Variants in ZNF76 observed in about 807,000 individuals in gnomAD.
ZNF76 encodes the protein zinc finger protein 76.
A neutral mutation model predicts 66.9 loss-of-function variants in ZNF76; 66 were observed. The observed-to-expected ratio is 0.99, with a 90% CI of 0.81 to 1.21. ZNF76 has a LOEUF of 1.21. Ranked by LOEUF, ZNF76 falls within the 50% of genes most tolerant of loss-of-function variation. The pLI is 0.00. For synonymous variants in ZNF76, 275 were observed against 296.1 expected, an observed-to-expected ratio of 0.93 and a Z score of 0.73; for missense variants, 729 against 760.3, an observed-to-expected ratio of 0.96 and a Z score of 0.48.
chr6:35,287,064 A>G lies in ZNF76; in HGVS notation c.233-582A>G, dbSNP rs1789670510. 1.3e-5 allele frequency among the ~76,000 whole-genome samples: 2 copies of G among 152,164 alleles called. No individual in the cohort carries two copies. The highest frequency in any genetic ancestry group is 4.8e-5 in the African/African-American group (2 of 41,438). On this transcript the variant is annotated intron_variant, in intron 4 of 13. Transcript: ENST00000373953. This position sits in a 1 kb window ranked among gnomAD's most constrained non-coding sequence, Gnocchi z 4.0. ...GTTCAGTACTTCAGGCAGAAGGAATAGCATGTGCAGGCCTAGAGCTGGGGG... is the reference window on the plus strand; with the variant it reads ...GTTCAGTACTTCAGGCAGAAGGAATGGCATGTGCAGGCCTAGAGCTGGGGG...
Position 35,290,358 on chromosome 6 carries a change from C to G in ZNF76, c.525C>G (p.Leu175=), listed in dbSNP as rs749971671. Reference sequence around the variant, plus strand: ...GTGGCTACAAGGGCTGTGGGCGTCTCTACACCACCGCTCATCACTTAAAGG... The same window carrying G: ...GTGGCTACAAGGGCTGTGGGCGTCTGTACACCACCGCTCATCACTTAAAGG... ...FRCGYKGCGR[L]YTTAHHLKVH... The change falls in exon 6 of 14, where the codon CTC becomes CTG. Residue 175 remains leucine (L), a synonymous_variant. Coordinates refer to ENST00000373953, the MANE Select transcript of ZNF76 (RefSeq NM_003427.5). 22 of 1,614,094 alleles carry G rather than the reference C, an allele frequency of 1.4e-5. No homozygotes were observed. The highest frequency in any genetic ancestry group is 1.9e-5 in the Non-Finnish European group (22 of 1,180,032).
chr6:35,278,857 A>G (rs1391382240), intron 1 of ZNF76, among the ~76,000 whole-genome samples: 2 of 152,180 alleles, frequency 1.3e-5, no homozygotes, highest in African/African-American at 4.8e-5. Flanking sequence ...CACTCACAGG[A>G]TGTGTGGAGA....
At position 35,291,289 on chromosome 6, in the gene ZNF76, A is replaced by G; in HGVS notation, c.637A>G (p.Lys213Glu). 6.2e-7 allele frequency: 1 copy of G among 1,610,668 alleles called. No individual in the cohort carries two copies. The highest frequency in any genetic ancestry group is 8.5e-7 in the Non-Finnish European group (1 of 1,178,360). ...GKAFATGYGLKSHVRTHTGEK... is the reference protein window; with the variant it reads ...GKAFATGYGLESHVRTHTGEK... ...CCACATATGGACAGGCTATGGACTG[A>G]AGAGCCACGTTCGTACCCACACTGG... Residue 213 changes from lysine (K) to glutamate (E), a missense_variant, in exon 8 of 14, where the codon AAG (lysine) becomes GAG (glutamate). Lys to Glu is a moderately conservative substitution (Grantham distance 56). Coordinates refer to ENST00000373953, the MANE Select transcript of ZNF76 (RefSeq NM_003427.5).
In ZNF76 at chr6:35,290,341, A is replaced by G. The variant is rs960589056; in HGVS notation, c.508A>G (p.Lys170Glu). 5.0e-6 allele frequency: 8 copies of G among 1,614,246 alleles called. No individual in the cohort carries two copies. The highest frequency in any genetic ancestry group is 1.3e-5 in the African/African-American group (1 of 75,068). Reference protein sequence around the residue: ...VGDRAFRCGYKGCGRLYTTAH... With the variant: ...VGDRAFRCGYEGCGRLYTTAH... ...AGACAGAGCATTCCGCTGTGGCTAC[A>G]AGGGCTGTGGGCGTCTCTACACCAC... The change falls in exon 6 of 14, where the codon AAG (lysine) becomes GAG (glutamate). Residue 170 changes from lysine (K) to glutamate (E), a missense_variant. Physicochemically the swap from Lys to Glu is moderately conservative, Grantham distance 56. Coordinates refer to ENST00000373953, the MANE Select transcript of ZNF76 (RefSeq NM_003427.5).
In ZNF76 at chr6:35,286,146, G is replaced by A; in HGVS notation, c.92G>A (p.Gly31Glu). The A allele has an allele frequency of 6.2e-7, 1 of 1,614,122 alleles. No individual in the cohort carries two copies. Among genetic ancestry groups the A allele is most frequent in the Non-Finnish European group, 8.5e-7 (1 of 1,180,028 alleles). ...TTAACAGGAGAGAAGCTTCTTGAAG[G>A]GCAGGTGATCCAGCTCGAGGATGGG... ...QAVKGEKLLE[G>E]QVIQLEDGTT... The change falls in exon 3 of 14, where the codon GGG becomes GAG. Residue 31 changes from glycine to glutamate, a missense_variant. Transcript: ENST00000373953.
chr6:35,280,523 C>CA (rs1373296781), intron 1 of ZNF76, among the ~76,000 whole-genome samples: 6 of 131,774 alleles, frequency 4.6e-5, no homozygotes, highest in Non-Finnish European at 6.7e-5. Context: ...TGATCCCCCC[C>CA]CCCCCCGCCC....
chr6:35,277,535 C>T (rs1385609231), intron 1 of ZNF76, among the ~76,000 whole-genome samples: 1 of 152,212 alleles, frequency 6.6e-6, no homozygotes, highest in African/African-American at 2.4e-5. Context: ...GGGTGAAATC[C>T]TCCTTTACTA....
intron 1 of ZNF76, among the ~76,000 whole-genome samples, chr6:35,275,580 A>G (rs1582086063): frequency 6.6e-6 from 1 of 152,202 alleles, no homozygotes; most frequent in Non-Finnish European, 1.5e-5. Context: ...GTAGATGCCT[A>G]GCAGCCACAA....
At position 35,292,574 on chromosome 6, in the gene ZNF76, A is replaced by G; in HGVS notation, c.952A>G (p.Thr318Ala). 1 of 1,612,402 alleles carries G rather than the reference A, an allele frequency of 6.2e-7. No homozygotes were observed. Among genetic ancestry groups the G allele is most frequent in the Non-Finnish European group, 8.5e-7 (1 of 1,179,860 alleles). Residue 318 changes from threonine (T) to alanine (A), a missense_variant, in exon 10 of 14, where the codon ACG becomes GCG. Thr to Ala is a moderately conservative substitution (Grantham distance 58, BLOSUM62 0). Coordinates refer to ENST00000373953, the MANE Select transcript of ZNF76 (RefSeq NM_003427.5). The surrounding 1 kb of genome is among the most constrained non-coding windows in gnomAD (Gnocchi z 4.7). ...IHTGEKPYVC[T>A]VPGCGKRFTE... is the part of the protein sequence containing the mutation. ...CCCAGGGGAGAAGCCATACGTTTGC[A>G]CGGTGCCAGGCTGCGGGAAACGCTT... is the stretch of plus-strand genomic sequence containing the variant.
At chr6:35,275,478 CACT>C (rs1478067051) in intron 1 of ZNF76, among the ~76,000 whole-genome samples, 4 of 152,150 alleles carry the variant, frequency 2.6e-5, no homozygotes, top group Non-Finnish European at 4.4e-5. Flanking sequence ...CTGCCCATGT[CACT>C]GTTGTTAGTT....
Position 35,292,145 on chromosome 6 carries a change from C to T in ZNF76, c.931+408C>T. 1 of 402,022 alleles carries T rather than the reference C, an allele frequency of 2.5e-6. No homozygotes were observed. The highest frequency in any genetic ancestry group is 2.0e-5 in the African/African-American group (1 of 49,448). 24.9% of individuals were successfully genotyped at this position (402,022 alleles called of 1,614,324 possible). On this transcript the variant is annotated intron_variant, in intron 9 of 13. Coordinates refer to ENST00000373953, the MANE Select transcript of ZNF76 (RefSeq NM_003427.5). This position sits in a 1 kb window ranked among gnomAD's most constrained non-coding sequence, Gnocchi z 4.7. ...TATCCTCACCCTCCCCAGTGTTATG[C>T]CCCTCATCCAGCTTTCTGTGTTGTG...
At chr6:35,260,177 A>G (rs1581986875) in intron 1 of ZNF76, among the ~76,000 whole-genome samples, 4 of 152,022 alleles carry the variant, frequency 2.6e-5, no homozygotes, top group South Asian at 4.2e-4. Context: ...TTTCCCCAGC[A>G]CTTCTCAGAG....
chr6:35,290,998 C>G, intron 7 of ZNF76: 1 of 593,392 alleles, frequency 1.7e-6, no homozygotes, highest in Non-Finnish European at 3.0e-6. Context: ...GCCATTGCAT[C>G]TCTCTGGGCT....
At chr6:35,284,485 G>A (rs369261089) in intron 2 of ZNF76, among the ~76,000 whole-genome samples, 21 of 151,736 alleles carry the variant, frequency 1.4e-4, no homozygotes, top group South Asian at 1.0e-3. Flanking sequence ...TGCAACCTCC[G>A]CCTCCCGGGT....
Position 35,295,405 on chromosome 6 carries a change from T to TG in ZNF76, c.*162dup, listed in dbSNP as rs1368108242. 3 of 702,462 alleles carry TG rather than the reference T, an allele frequency of 4.3e-6. No homozygotes were observed. Among genetic ancestry groups the TG allele is most frequent in the Non-Finnish European group, 7.7e-6 (3 of 391,822 alleles). The allele number at this position is 702,462 out of a possible 1,614,324, so 43.5% of individuals were successfully genotyped here. A position where few individuals can be genotyped will look rare whatever the true frequency, so the allele number is the denominator to read the frequency against. Reference sequence around the variant, plus strand: ...AAGAAAACTGCCTAACTGAAGGGAATGGGGGCCCTGCTCAAGAAGGGGGCC... The same window carrying TG: ...AAGAAAACTGCCTAACTGAAGGGAATGGGGGGCCCTGCTCAAGAAGGGGGCC... On this transcript the variant is annotated 3_prime_UTR_variant, in exon 14 of 14. Transcript: ENST00000373953.
rs183715788 is a variant in ZNF76, at chr6:35,272,974, C to T, written c.-96-8082C>T. Among the ~76,000 whole-genome samples, 113 of 152,028 alleles carry T rather than the reference C, an allele frequency of 7.4e-4. 2 individuals carry two copies. In the East Asian group the frequency reaches 0.02, roughly 27 times the overall value. On this transcript the variant is annotated intron_variant, in intron 1 of 13. Coordinates refer to ENST00000373953, the MANE Select transcript of ZNF76 (RefSeq NM_003427.5). ...TTCGAGACCAGCCAGGCCAACATGG[C>T]GAAACCCTGTCTGTACTAAAAATAC... is the stretch of plus-strand genomic sequence containing the variant.
Position 35,292,447 on chromosome 6 carries a change from C to G in ZNF76, c.932-107C>G. On this transcript the variant is annotated intron_variant, in intron 9 of 13. Transcript: ENST00000373953. This position sits in a 1 kb window ranked among gnomAD's most constrained non-coding sequence, Gnocchi z 4.7. ...CAGAGTCTCAGGTCTCAGTCCCTCTCCCTCCCTCTGGCTCTCCCTTCACCA... is the reference window on the plus strand; with the variant it reads ...CAGAGTCTCAGGTCTCAGTCCCTCTGCCTCCCTCTGGCTCTCCCTTCACCA... 1 of 1,149,646 alleles carries G rather than the reference C, an allele frequency of 8.7e-7. No homozygotes were observed. The highest frequency in any genetic ancestry group is 1.3e-6 in the Non-Finnish European group (1 of 787,380). The allele number at this position is 1,149,646 out of a possible 1,614,324, so 71.2% of individuals were successfully genotyped here. A position where few individuals can be genotyped will look rare whatever the true frequency, so the allele number is the denominator to read the frequency against.
chr6:35,266,797 CTTTT>C (rs57833954), intron 1 of ZNF76, among the ~76,000 whole-genome samples: 1 of 93,280 alleles, frequency 1.1e-5, no homozygotes, highest in East Asian at 3.6e-4. Flanking sequence ...TTGTCTATTT[CTTTT>C]TTTTTTTTTT....
At chr6:35,284,328 A>G (rs1270077405) in intron 2 of ZNF76, among the ~76,000 whole-genome samples, 3 of 152,144 alleles carry the variant, frequency 2.0e-5, no homozygotes, top group Non-Finnish European at 2.9e-5. Flanking sequence ...TCCCGACCTC[A>G]GGTTATCCGC....
Sources: gnomAD v4.1 joint callset for allele counts (sites outside exome capture counted in the v4.1 genomes callset) on GRCh38, gnomAD v4.1.1 for gene constraint, Gnocchi (gnomAD v3.1) non-coding constraint, MANE v1.5 for transcripts, NCBI Gene and HGNC (gene_info 2026-07-23, HGNC 2026-07-21) for gene names.